The following ARHGEF7 variants were observed in gnomAD, a reference collection of about 807,000 sequenced individuals.
ARHGEF7 encodes the protein PAK-interacting exchange factor beta.
Under a neutral mutation model 109.8 loss-of-function variants are expected in ARHGEF7, and 33 were observed. The observed-to-expected ratio is 0.30, with a 90% CI of 0.23 to 0.40. The LOEUF is 0.40. Among genes scored for constraint, ARHGEF7 ranks in the 10% least tolerant of loss-of-function variants. The probability of loss-of-function intolerance (pLI) is 1.00; values close to 1 mark genes in which losing one functional copy is unlikely to be tolerated. For missense variants in ARHGEF7, 938 were observed against 1,098.5 expected (o/e 0.85, Z 2.07); for synonymous variants, 458 against 424.6 (o/e 1.08, Z -0.97).
At position 111,303,013 on chromosome 13, in the gene ARHGEF7, C is replaced by G. The variant is rs77679711; in HGVS notation, c.2489C>G (p.Ser830Cys). The change falls in exon 22 of 22, where the codon TCT becomes TGT. Residue 830 changes from serine to cysteine, a missense_variant. Physicochemically the swap from Ser to Cys is moderately radical, Grantham distance 112 (BLOSUM62 -1). Around this residue, in one of 4 missense-constraint regions of ARHGEF7, gnomAD observed 166 missense variants for 167.3 expected, o/e 0.99. Coordinates refer to ENST00000646102, the MANE Select transcript of ARHGEF7 (RefSeq NM_001354046.2). ...LRQDNKKMKK[S>C]LEEEQRARKD... ...CAGGACAACAAAAAGATGAAGAAATCTCTAGAGGAAGAACAGAGAGCCCGC... is the reference window on the plus strand; with the variant it reads ...CAGGACAACAAAAAGATGAAGAAATGTCTAGAGGAAGAACAGAGAGCCCGC... The G allele has an allele frequency of 5.0e-6, 8 of 1,614,174 alleles. No individual in the cohort carries two copies. The East Asian group carries it at 1.1e-4, about 22-fold the overall frequency.
At position 111,266,997 on chromosome 13, in the gene ARHGEF7, G is replaced by A; in HGVS notation, c.951-551G>A. On this transcript the variant is annotated intron_variant, in intron 8 of 21. Transcript: ENST00000646102. This position sits in a 1 kb window ranked among gnomAD's most constrained non-coding sequence, Gnocchi z 4.8. ...ACCCCTCATGCAGCTTCCAGTGCTG[G>A]TTCTGGTAGTCTCTTCCTCATTCTT... 1 of 436,782 alleles carries A rather than the reference G, an allele frequency of 2.3e-6. No homozygotes were observed. The highest frequency in any genetic ancestry group is 7.2e-5 in the East Asian group (1 of 13,948). 27.1% of individuals were successfully genotyped at this position (436,782 alleles called of 1,614,324 possible).
At chr13:111,133,791 A>G (rs2074930525) in intron 1 of ARHGEF7, among the ~76,000 whole-genome samples, 2 of 102,910 alleles carry the variant, frequency 1.9e-5, no homozygotes, top group African/African-American at 8.7e-5. Context: ...ATATATATAT[A>G]TATATATATA....
At chr13:111,302,146 G>C (rs2153637708) in intron 21 of ARHGEF7, among the ~76,000 whole-genome samples, 1 of 152,326 alleles carries the variant, frequency 6.6e-6, no homozygotes, top group African/African-American at 2.4e-5. Context: ...CCACTGCATG[G>C]TCCTTGGCTC....
rs540017258 is a variant in ARHGEF7, at chr13:111,260,107, A to G, written c.951-7441A>G. ...TCAAAAACAATGAAGCATGCCTACA[A>G]GATGTAGAAAATAGCCCCAAAAGGG... On this transcript the variant is annotated intron_variant, in intron 8 of 21. Coordinates refer to ENST00000646102, the MANE Select transcript of ARHGEF7 (RefSeq NM_001354046.2). Among the ~76,000 whole-genome samples, 17 of 152,336 alleles carry G rather than the reference A, an allele frequency of 1.1e-4. No homozygotes were observed. In the East Asian group the frequency reaches 2.3e-3, roughly 21 times the overall value.
chr13:111,292,390 A>G (rs557921973), intron 19 of ARHGEF7, 96 bp downstream of exon 19: 59 of 1,561,832 alleles, frequency 3.8e-5, no homozygotes, highest in Non-Finnish European at 5.1e-5. Flanking sequence ...CTTTTCTTAG[A>G]TGTTTTCTTG....
intron 1 of ARHGEF7, among the ~76,000 whole-genome samples, chr13:111,136,105 T>C (rs2075071476): frequency 6.6e-6 from 1 of 152,212 alleles, no homozygotes; most frequent in South Asian, 2.1e-4. Context: ...CGTTTATTGA[T>C]TTTCGTATGT....
chr13:111,115,969 G>C (rs1269868223), intron 1 of ARHGEF7, among the ~76,000 whole-genome samples: 2 of 151,922 alleles, frequency 1.3e-5, no homozygotes, highest in Non-Finnish European at 2.9e-5. Context: ...GCGAGGAGAC[G>C]GGGCTTCTGC....
intron 13 of ARHGEF7, among the ~76,000 whole-genome samples, chr13:111,279,796 A>G (rs2092688183): frequency 6.6e-6 from 1 of 152,250 alleles, no homozygotes; most frequent in South Asian, 2.1e-4. Context: ...TCTGTTTTAC[A>G]AAGTAGAATG....
rs527246301 is a variant in ARHGEF7, at chr13:111,305,408, G to T, written c.*2295G>T. 2 of 152,254 alleles carry T rather than the reference G, an allele frequency of 1.3e-5. No homozygotes were observed. The highest frequency in any genetic ancestry group is 2.9e-5 in the Non-Finnish European group (2 of 68,048). The allele number at this position is 152,254 out of a possible 1,614,324, so 9.4% of individuals were successfully genotyped here. ...TCTCACCTTGTATGGATGAGGAGAT[G>T]AAGCCATTTCTTATCCTGTAGATGT... On this transcript the variant is annotated 3_prime_UTR_variant, in exon 22 of 22. Transcript: ENST00000646102.
upstream of ARHGEF7, chr13:111,114,634 A>C (rs7321389): frequency 0.52 from 79,587 of 151,930 alleles, 21,499 homozygotes; most frequent in East Asian, 0.88. Context: ...AGACGCAGCC[A>C]GGCGCCCGGC....
At position 111,145,514 on chromosome 13, in the gene ARHGEF7, C is replaced by T. The variant is rs561036040; in HGVS notation, c.166-8391C>T. Among the ~76,000 whole-genome samples the T allele has an allele frequency of 9.2e-5, 14 of 152,298 alleles. No homozygotes were observed. Among genetic ancestry groups the T allele is most frequent in the Middle Eastern group, 3.4e-3 (1 of 294 alleles). The stretch of plus-strand genomic sequence containing the variant: ...CTGCCTGACAGGAGCCATGGTCTTC[C>T]GCGAGTGGTGTGTTGGTAAATGTTA... On this transcript the variant is annotated intron_variant, in intron 1 of 21. Coordinates refer to ENST00000646102, the MANE Select transcript of ARHGEF7 (RefSeq NM_001354046.2). This position sits in a 1 kb window ranked among gnomAD's most constrained non-coding sequence, Gnocchi z 4.3.
intron 21 of ARHGEF7, 88 bp from the exon 22 acceptor site, chr13:111,302,903 T>G: frequency 4.5e-6 from 7 of 1,538,904 alleles, no homozygotes; most frequent in Non-Finnish European, 6.2e-6. Flanking sequence ...AATCGAGGCC[T>G]TAGCTCCTCA....
intron 5 of ARHGEF7, among the ~76,000 whole-genome samples, chr13:111,225,419 G>A (rs971497938): frequency 6.6e-6 from 1 of 151,982 alleles, no homozygotes; most frequent in African/African-American, 2.4e-5. Flanking sequence ...CCTCTCCTAC[G>A]TAGCTGCCTC....
Position 111,303,011 on chromosome 13 carries a change from A to C in ARHGEF7, c.2487A>C (p.Lys829Asn). 2.5e-6 allele frequency: 4 copies of C among 1,614,108 alleles called. No homozygotes were observed. Among genetic ancestry groups the C allele is most frequent in the Non-Finnish European group, 3.4e-6 (4 of 1,179,976 alleles). ...TACAGGACAACAAAAAGATGAAGAA[A>C]TCTCTAGAGGAAGAACAGAGAGCCC... is the stretch of plus-strand genomic sequence containing the variant. ...ELRQDNKKMK[K>N]SLEEEQRARK... The change falls in exon 22 of 22, where the codon AAA (lysine) becomes AAC (asparagine). Residue 829 changes from lysine (K) to asparagine (N), a missense_variant. By Grantham distance (94) the Lys-to-Asn change is moderately conservative. Around this residue, in one of 4 missense-constraint regions of ARHGEF7, gnomAD observed 166 missense variants for 167.3 expected, o/e 0.99. Transcript: ENST00000646102.
intron 5 of ARHGEF7, among the ~76,000 whole-genome samples, chr13:111,230,780 C>G (rs1362984302): frequency 6.6e-6 from 1 of 152,254 alleles, no homozygotes; most frequent in African/African-American, 2.4e-5. Flanking sequence ...ATCTTGACAC[C>G]TTCCATTCAG....
intron 13 of ARHGEF7, among the ~76,000 whole-genome samples, chr13:111,278,143 TTTTAA>T (rs1183857159): frequency 2.0e-5 from 3 of 152,194 alleles, no homozygotes; most frequent in African/African-American, 7.2e-5. Flanking sequence ...CGTTGAACCT[TTTTAA>T]TTTTTGTTTC....
chr13:111,141,293 C>T (rs2075334067), intron 1 of ARHGEF7, among the ~76,000 whole-genome samples: 1 of 152,128 alleles, frequency 6.6e-6, no homozygotes, highest in African/African-American at 2.4e-5. Context: ...GTCCCCTTTA[C>T]TCCGCCTAGT....
chr13:111,151,847 TGAGAA>T (rs752247443), intron 1 of ARHGEF7, among the ~76,000 whole-genome samples: 1 of 151,376 alleles, frequency 6.6e-6, no homozygotes, highest in Non-Finnish European at 1.5e-5. Context: ...CTAAGTAGAG[TGAGAA>T]GAGGACATAT....
At chr13:111,280,733 G>C (rs1024928669) in intron 15 of ARHGEF7, 56 bp downstream of exon 15, 13 of 1,429,510 alleles carry the variant, frequency 9.1e-6, no homozygotes, top group South Asian at 4.9e-5. Context: ...TCCCGTGGCT[G>C]AGCTGTCAGC....
Sources: allele counts gnomAD v4.1 joint callset (sites outside exome capture counted in the v4.1 genomes callset), GRCh38; gene constraint gnomAD v4.1.1; regional missense constraint gnomAD v4.1.1; non-coding constraint Gnocchi (gnomAD v3.1); transcripts MANE v1.5; gene names NCBI Gene and HGNC (gene_info 2026-07-23, HGNC 2026-07-21).